The following C12orf56 variants were observed in gnomAD, a reference collection of about 807,000 sequenced individuals.
C12orf56 encodes chromosome 12 open reading frame 56.
C12orf56 carries 71 observed loss-of-function variants against 69.9 expected under a neutral mutation model. The ratio of observed to expected loss-of-function variants is 1.02; its 90% CI spans 0.84 to 1.24. The LOEUF is 1.24. C12orf56 is among the 50% of genes most tolerant of loss of function. The probability of loss-of-function intolerance (pLI) is 0.00; values close to 1 mark genes in which losing one functional copy is unlikely to be tolerated. For synonymous variants in C12orf56, 276 were observed against 274.1 expected (o/e 1.01, Z -0.07); for missense variants, 732 against 738.5 (o/e 0.99, Z 0.10).
At chr12:64,356,185 A>G (rs11175354) in intron 1 of C12orf56, among the ~76,000 whole-genome samples, 2 of 133,686 alleles carry the variant, frequency 1.5e-5, no homozygotes, top group African/African-American at 2.6e-5. Flanking sequence ...AAAAAAAAAA[A>G]AAAAAAAAAA....
intron 2 of C12orf56, among the ~76,000 whole-genome samples, chr12:64,342,575 C>T (rs2039088386): frequency 6.6e-6 from 1 of 152,180 alleles, no homozygotes; most frequent in Non-Finnish European, 1.5e-5. Context: ...CTTATGCCTT[C>T]AGGACCTGCT....
intron 2 of C12orf56, among the ~76,000 whole-genome samples, chr12:64,350,539 C>T (rs541641903): frequency 6.6e-6 from 1 of 152,194 alleles, no homozygotes; most frequent in Non-Finnish European, 1.5e-5. Context: ...CTGATAAAAG[C>T]CTCTTGGGAA....
intron 3 of C12orf56, 98 bp downstream of exon 3, chr12:64,330,862 A>G: frequency 1.0e-6 from 1 of 988,788 alleles, no homozygotes; most frequent in Non-Finnish European, 1.5e-6. Context: ...AACTCAGTCC[A>G]AAGCCATTAG....
At chr12:64,293,027 G>T (rs566060357) in intron 6 of C12orf56, among the ~76,000 whole-genome samples, 2 of 151,524 alleles carry the variant, frequency 1.3e-5, no homozygotes, top group South Asian at 4.2e-4. Context: ...AGGACCCTCC[G>T]AGCCAGGTGT....
chr12:64,286,146 A>C, intron 6 of C12orf56, 86 bp from the exon 7 acceptor site: 1 of 836,470 alleles, frequency 1.2e-6, no homozygotes, highest in Non-Finnish European at 1.8e-6. Context: ...AATATGAAGA[A>C]ATAATTTGTT....
chr12:64,282,381 G>T (rs2038140938), intron 8 of C12orf56, among the ~76,000 whole-genome samples: 1 of 152,200 alleles, frequency 6.6e-6, no homozygotes, highest in Admixed American at 6.5e-5. Flanking sequence ...GGCTACAATG[G>T]CAGAACTGAG....
At chr12:64,335,652 A>G (rs1010716470) in intron 2 of C12orf56, among the ~76,000 whole-genome samples, 2 of 152,178 alleles carry the variant, frequency 1.3e-5, no homozygotes, top group Admixed American at 1.3e-4. Flanking sequence ...GGCAATTCAA[A>G]GTGCTAATTG....
chr12:64,338,657 A>G, intron 2 of C12orf56: 2 of 1,586,514 alleles, frequency 1.3e-6, no homozygotes, highest in East Asian at 4.5e-5. Context: ...TTGGGTTTGC[A>G]CAAACTGACC....
At chr12:64,385,183 C>T (rs549780640) in intron 1 of C12orf56, among the ~76,000 whole-genome samples, 7 of 152,234 alleles carry the variant, frequency 4.6e-5, no homozygotes, top group African/African-American at 9.6e-5. Context: ...ATAAAATATC[C>T]GCCCAAGTAA....
At chr12:64,273,920 AGGAGGCAGAGACAG>A (rs1220631037) in intron 11 of C12orf56, among the ~76,000 whole-genome samples, 2 of 152,214 alleles carry the variant, frequency 1.3e-5, no homozygotes, top group Non-Finnish European at 2.9e-5. Context: ...TGTGCCCAGA[AGGAGGCAGAGACAG>A]AATATGAGTG....
At chr12:64,279,066 G>A (rs1400774783) in intron 8 of C12orf56, among the ~76,000 whole-genome samples, 1 of 152,058 alleles carries the variant, frequency 6.6e-6, no homozygotes, top group African/African-American at 2.4e-5. Context: ...ATAATGTACA[G>A]CATTTCTTTT....
chr12:64,350,238 A>G (rs1337794351), intron 2 of C12orf56, among the ~76,000 whole-genome samples: 2 of 152,308 alleles, frequency 1.3e-5, no homozygotes, highest in East Asian at 3.9e-4. Flanking sequence ...ACAAATTACC[A>G]CTAAAGAACT....
At chr12:64,275,185 ATAT>A in intron 10 of C12orf56, 110 bp downstream of exon 10, 1 of 705,826 alleles carries the variant, frequency 1.4e-6, no homozygotes, top group Non-Finnish European at 2.3e-6. Flanking sequence ...CATTTTTGAT[ATAT>A]TATTAATCAT....
intron 1 of C12orf56, among the ~76,000 whole-genome samples, chr12:64,367,389 A>G (rs967017883): frequency 1.4e-5 from 2 of 147,116 alleles, no homozygotes; most frequent in Non-Finnish European, 3.0e-5. Flanking sequence ...ATATACAAAT[A>G]TAAAGAAACT....
chr12:64,311,317 G>T (rs745799185), intron 5 of C12orf56, among the ~76,000 whole-genome samples: 2 of 151,828 alleles, frequency 1.3e-5, no homozygotes, highest in Non-Finnish European at 2.9e-5. Flanking sequence ...GGAGGCTGAT[G>T]CAGGGGAACT....
At chr12:64,322,234 A>C (rs916831037) in intron 3 of C12orf56, among the ~76,000 whole-genome samples, 6 of 151,228 alleles carry the variant, frequency 4.0e-5, no homozygotes, top group Admixed American at 1.3e-4. Flanking sequence ...CAGTACCCTG[A>C]GATTCTGTTT....
chr12:64,332,941 A>G (rs1443991440), intron 2 of C12orf56, among the ~76,000 whole-genome samples: 1 of 152,196 alleles, frequency 6.6e-6, no homozygotes, highest in Non-Finnish European at 1.5e-5. Context: ...TCCCCTTGAC[A>G]TTAAGATAGG....
chr12:64,361,701 C>T (rs907713341), intron 1 of C12orf56, among the ~76,000 whole-genome samples: 6 of 151,716 alleles, frequency 4.0e-5, no homozygotes, highest in African/African-American at 1.5e-4. Flanking sequence ...TTTGGGGTTG[C>T]TCTGCCTATG....
intron 4 of C12orf56, among the ~76,000 whole-genome samples, chr12:64,317,525 C>A (rs979939304): frequency 6.6e-6 from 1 of 152,056 alleles, no homozygotes. Context: ...TTTGGGAGGC[C>A]GAGGTGGGCG....
Sources: allele counts gnomAD v4.1 joint callset (sites outside exome capture counted in the v4.1 genomes callset), GRCh38; gene constraint gnomAD v4.1.1; transcripts MANE v1.5; gene names NCBI Gene and HGNC (gene_info 2026-07-23, HGNC 2026-07-21).